TENM1: variants seen among roughly 807,000 people sequenced by gnomAD.
TENM1 encodes teneurin-1.
TENM1 carries 35 observed loss-of-function variants against 174.8 expected under a neutral mutation model. That is an observed-to-expected ratio of 0.20 (90% CI 0.15 to 0.27). The LOEUF is 0.27. TENM1 is among the 10% of genes least tolerant of loss of function. The pLI is 1.00. For synonymous variants in TENM1, 781 were observed against 798.7 expected (o/e 0.98, Z 0.37); for missense variants, 1,633 against 2,130.1 (o/e 0.77, Z 4.59).
intron 6 of TENM1, among the ~76,000 whole-genome samples, chrX:124,655,060 A>T (rs73558401): frequency 0.029 from 3,261 of 111,880 alleles, 116 homozygotes; most frequent in African/African-American, 0.1. Flanking sequence ...TCTGATTCAG[A>T]AGGTCCAAAG....
chrX:125,035,385 T>C, the TENM1 span, among the ~76,000 whole-genome samples: 1 of 111,806 alleles, frequency 8.9e-6, no homozygotes, highest in Non-Finnish European at 1.9e-5. Flanking sequence ...TTTATGGATT[T>C]AACATTTGCA....
intron 11 of TENM1, among the ~76,000 whole-genome samples, chrX:124,583,738 G>T (rs1263787025): frequency 9.0e-6 from 1 of 111,514 alleles, no homozygotes; most frequent in East Asian, 2.8e-4. Flanking sequence ...AAACTACTCC[G>T]AGCTACAGGA....
intron 16 of TENM1, among the ~76,000 whole-genome samples, chrX:124,525,944 C>CT (rs1352066856): frequency 4.5e-5 from 5 of 111,589 alleles, no homozygotes; most frequent in South Asian, 7.5e-4. Flanking sequence ...CATATGTTTT[C>CT]TTTTTTTTGT....
At chrX:124,695,191 C>T (rs1356347960) in intron 5 of TENM1, among the ~76,000 whole-genome samples, 1 of 110,882 alleles carries the variant, frequency 9.0e-6, no homozygotes, top group Non-Finnish European at 1.9e-5. Context: ...CGTTCATGGT[C>T]CTATTTAGCC....
intron 1 of TENM1, among the ~76,000 whole-genome samples, chrX:124,951,875 G>A (rs1455125009): frequency 2.7e-5 from 3 of 109,366 alleles, no homozygotes; most frequent in South Asian, 3.9e-4. Flanking sequence ...CAGCCAGCCC[G>A]CTTGTAGCTT....
intron 27 of TENM1, among the ~76,000 whole-genome samples, chrX:124,397,999 C>T (rs1462994685): frequency 9.2e-6 from 1 of 109,108 alleles, no homozygotes; most frequent in Non-Finnish European, 1.9e-5. Flanking sequence ...GAGGCCCAGG[C>T]GGGCGGATCA....
rs186785324 is a variant in TENM1, at chrX:124,700,087, T to C, written c.1015+4926A>G. Among the ~76,000 whole-genome samples the C allele has an allele frequency of 2.5e-4, 28 of 112,314 alleles. 1 individual carries two copies. The East Asian group carries it at 7.2e-3, about 29-fold the overall frequency. ...TTTATGCTGAGTCATTTCTTGAATG[T>C]TATAAGCTGTAATGCATTTTAATGA... On this transcript the variant is annotated intron_variant, in intron 5 of 31. Coordinates refer to ENST00000422452, the Ensembl canonical transcript of TENM1.
At chrX:124,645,050 G>T in intron 10 of TENM1, 93 bp downstream of exon 13, 1 of 907,955 alleles carries the variant, frequency 1.1e-6, no homozygotes, top group Non-Finnish European at 1.6e-6. Context: ...GTTTGCAAAG[G>T]CCACTTGCAT....
intron 11 of TENM1, among the ~76,000 whole-genome samples, chrX:124,582,646 C>G (rs1427131979): frequency 8.9e-6 from 1 of 111,926 alleles, no homozygotes; most frequent in East Asian, 2.8e-4. Context: ...ATCTGAGATA[C>G]TGGGTTCATC....
At chrX:124,831,329 CG>C (rs1377910424) in intron 3 of TENM1, among the ~76,000 whole-genome samples, 1 of 111,691 alleles carries the variant, frequency 9.0e-6, no homozygotes, top group Non-Finnish European at 1.9e-5. Flanking sequence ...AAGCATCCCA[CG>C]GGCTGCACTA....
At chrX:125,121,793 C>T in the TENM1 span, among the ~76,000 whole-genome samples, 1 of 112,185 alleles carries the variant, frequency 8.9e-6, no homozygotes, top group Non-Finnish European at 1.9e-5. Flanking sequence ...TGGGTAAGGC[C>T]GGATGTGGTG....
intron 13 of TENM1, among the ~76,000 whole-genome samples, chrX:124,562,511 A>C (rs756348097): frequency 8.8e-6 from 1 of 113,109 alleles, no homozygotes; most frequent in Non-Finnish European, 1.9e-5. Context: ...GAATTAATAC[A>C]TGCCAGATCT....
At chrX:124,645,104 A>T (rs745656493) in intron 10 of TENM1, 39 bp downstream of exon 13, 1 of 1,171,419 alleles carries the variant, frequency 8.5e-7, no homozygotes, top group East Asian at 3.0e-5. Flanking sequence ...ACTGAGTGAG[A>T]GAAAAGCCTG....
rs752063618 is a variant in TENM1 at position 124,735,477 on chromosome X, A to C, written c.776+1480T>G. Among the ~76,000 whole-genome samples, 7 of 112,452 alleles carry C rather than the reference A, an allele frequency of 6.2e-5. No homozygotes were observed. The East Asian group carries it at 1.4e-3, about 22-fold the overall frequency. Reference sequence around the variant, plus strand: ...AGGTATTGGTGAAAATGTGGAGAAAAGGCAATGCTTATACACTGTTGGTGG... The same window carrying C: ...AGGTATTGGTGAAAATGTGGAGAAACGGCAATGCTTATACACTGTTGGTGG... On this transcript the variant is annotated intron_variant, in intron 4 of 31. Coordinates refer to ENST00000422452, the Ensembl canonical transcript of TENM1.
chrX:124,774,612 C>T (rs1478711609), intron 3 of TENM1, among the ~76,000 whole-genome samples: 1 of 111,271 alleles, frequency 9.0e-6, no homozygotes, highest in Non-Finnish European at 1.9e-5. Context: ...TGAAAATGCA[C>T]CTCCCAATCT....
At chrX:125,020,401 T>A in the TENM1 span, among the ~76,000 whole-genome samples, 2 of 110,419 alleles carry the variant, frequency 1.8e-5, no homozygotes, top group Admixed American at 1.9e-4. Flanking sequence ...CATGAACCTA[T>A]ATAATTATAG....
chrX:124,750,001 C>T (rs1184272735), intron 3 of TENM1, among the ~76,000 whole-genome samples: 1 of 111,587 alleles, frequency 9.0e-6, no homozygotes, highest in Non-Finnish European at 1.9e-5. Context: ...TAATTATTTC[C>T]AGTATGAATT....
At chrX:125,007,610 G>A in the TENM1 span, among the ~76,000 whole-genome samples, 2 of 111,187 alleles carry the variant, frequency 1.8e-5, no homozygotes, top group Admixed American at 9.6e-5. Context: ...AAATGAAGGG[G>A]AAAAAATGTT....
chrX:124,745,503 T>C (rs2053896019), intron 3 of TENM1, among the ~76,000 whole-genome samples: 1 of 111,395 alleles, frequency 9.0e-6, no homozygotes, highest in Non-Finnish European at 1.9e-5. Context: ...AATGATTTAT[T>C]TTTAAAAAGT....
Sources: allele counts gnomAD v4.1 joint callset (sites outside exome capture counted in the v4.1 genomes callset), GRCh38; gene constraint gnomAD v4.1.1; transcripts MANE v1.5; gene names NCBI Gene and HGNC (gene_info 2026-07-23, HGNC 2026-07-21).